CTSB: variants seen among roughly 807,000 people sequenced by gnomAD.
The protein encoded by CTSB is APP secretase.
A neutral mutation model predicts 44.3 loss-of-function variants in CTSB; 57 were observed. The ratio of observed to expected loss-of-function variants is 1.29; its 90% confidence interval spans 1.04 to 1.60. The LOEUF is 1.60. CTSB is among the 40% of genes most tolerant of loss of function. The probability of loss-of-function intolerance (pLI) is 0.00; values close to 1 mark genes in which losing one functional copy is unlikely to be tolerated. For missense variants in CTSB, 768 were observed against 443.0 expected (o/e 1.73, Z -6.59); for synonymous variants, 320 against 168.0 (o/e 1.91, Z -7.00).
intron 1 of CTSB, among the ~76,000 whole-genome samples, chr8:11,861,910 G>A (rs1042609739): frequency 6.6e-6 from 1 of 152,242 alleles, no homozygotes; most frequent in Non-Finnish European, 1.5e-5. Context: ...GCCAGCCACA[G>A]AAAGGCCTAG....
intron 1 of CTSB, chr8:11,864,539 G>A (rs1586206821): frequency 6.6e-6 from 1 of 152,088 alleles, no homozygotes; most frequent in Non-Finnish European, 1.5e-5. Flanking sequence ...ATGTGCAGAA[G>A]AATCCAAAAG....
intron 1 of CTSB, among the ~76,000 whole-genome samples, chr8:11,867,069 G>A (rs569742053): frequency 6.6e-6 from 1 of 152,178 alleles, no homozygotes; most frequent in African/African-American, 2.4e-5. Flanking sequence ...CTGCGCTAGG[G>A]TCCTTTTCTT....
chr8:11,848,990 C>T (rs1813992687), intron 5 of CTSB, 56 bp downstream of exon 5: 2 of 1,345,588 alleles, frequency 1.5e-6, no homozygotes, highest in South Asian at 1.2e-5. Flanking sequence ...CACTGAGAAG[C>T]TGGGGCCCAG....
chr8:11,848,649 G>C, intron 5 of CTSB: 1 of 304,864 alleles, frequency 3.3e-6, no homozygotes, highest in Non-Finnish European at 6.5e-6. Flanking sequence ...GCAGGCAGCT[G>C]GAGCAGAAAG....
At chr8:11,855,847 G>C (rs938861397) in intron 1 of CTSB, among the ~76,000 whole-genome samples, 1 of 152,092 alleles carries the variant, frequency 6.6e-6, no homozygotes, top group Admixed American at 6.6e-5. Flanking sequence ...GTGAAACCCC[G>C]TCTCCACTAA....
chr8:11,849,312 CTTTTA>C (rs1390504080), intron 4 of CTSB, 148 bp from the exon 5 acceptor site: 2 of 553,194 alleles, frequency 3.6e-6, no homozygotes, highest in Non-Finnish European at 6.5e-6. Flanking sequence ...TCAAACTCAG[CTTTTA>C]TTTTCTTTGG....
At chr8:11,848,185 G>T in intron 5 of CTSB, 33 bp from the exon 6 acceptor site, 1 of 1,583,332 alleles carries the variant, frequency 6.3e-7, no homozygotes, top group South Asian at 1.1e-5. Flanking sequence ...AAACCTCTGA[G>T]AGAAGCACCA....
rs1341304635 is a variant in CTSB at position 11,842,528 on chromosome 8, G to A, written c.*2597C>T. 2 of 152,198 alleles carry A rather than the reference G, an allele frequency of 1.3e-5. No individual in the cohort carries two copies. The highest frequency in any genetic ancestry group is 2.9e-5 in the Non-Finnish European group (2 of 68,044). The allele number at this position is 152,198 out of a possible 1,614,324, so 9.4% of individuals were successfully genotyped here. A position where few individuals can be genotyped will look rare whatever the true frequency, so the allele number is the denominator to read the frequency against. Reference sequence around the variant, plus strand: ...GCATGGAATGAATCAACTCAGTTTGGGAGCAGGGAGAACTTTATTGAGGTT... The same window carrying A: ...GCATGGAATGAATCAACTCAGTTTGAGAGCAGGGAGAACTTTATTGAGGTT... On this transcript the variant is annotated 3_prime_UTR_variant, in exon 10 of 10. Coordinates refer to ENST00000353047, the MANE Select transcript of CTSB (RefSeq NM_001908.5).
intron 7 of CTSB, 89 bp downstream of exon 7, chr8:11,847,590 C>T (rs942797010): frequency 2.8e-6 from 4 of 1,419,642 alleles, no homozygotes; most frequent in Middle Eastern, 4.8e-4. Flanking sequence ...CAAGGCTCCT[C>T]AGCCCTGACC....
intron 4 of CTSB, among the ~76,000 whole-genome samples, chr8:11,850,238 G>A (rs1814294524): frequency 1.3e-5 from 2 of 151,946 alleles, no homozygotes. Flanking sequence ...GTCCAACATG[G>A]CAAAACCCCA....
rs372985519 is a variant in CTSB at position 11,847,202 on chromosome 8, G to A, written c.677-34C>T. ...TGAACCGAGCTCGGGGTTGGGGAGG[G>A]CAGTGACCGTGCCTCGTGGCACGCC... On this transcript the variant is annotated intron_variant, in intron 7 of 9. Transcript: ENST00000353047. 2.8e-4 allele frequency: 391 copies of A among 1,412,864 alleles called. 1 individual carries two copies. Among genetic ancestry groups the A allele is most frequent in the Non-Finnish European group, 1.9e-4 (185 of 998,354 alleles). The allele number at this position is 1,412,864 out of a possible 1,614,324, so 87.5% of individuals were successfully genotyped here.
chr8:11,846,520 G>T (rs961382646), intron 8 of CTSB: 1 of 152,854 alleles, frequency 6.5e-6, no homozygotes, highest in Non-Finnish European at 1.5e-5. Flanking sequence ...CTTGGGGATG[G>T]GGACTGTCCA....
chr8:11,847,877 T>G, intron 6 of CTSB, 55 bp from the exon 7 acceptor site: 2 of 1,404,942 alleles, frequency 1.4e-6, no homozygotes, highest in Non-Finnish European at 1.9e-6. Flanking sequence ...GGAGAAGACC[T>G]GGGGCAAGGC....
rs1193125913 is a variant in CTSB, at chr8:11,844,587, C to T, written c.*538G>A. The T allele has an allele frequency of 2.6e-5, 4 of 152,690 alleles. No homozygotes were observed. The highest frequency in any genetic ancestry group is 2.1e-4 in the South Asian group (1 of 4,858). 9.5% of individuals were successfully genotyped at this position (152,690 alleles called of 1,614,324 possible). On this transcript the variant is annotated 3_prime_UTR_variant, in exon 10 of 10. Transcript: ENST00000353047. ...CAGAGTGCACGAAAAAATAAAACTT[C>T]TATTAAAGAATCATGCTGAGCACAA...
At chr8:11,855,684 G>T (rs1407969166) in intron 1 of CTSB, among the ~76,000 whole-genome samples, 2 of 152,058 alleles carry the variant, frequency 1.3e-5, no homozygotes, top group Non-Finnish European at 2.9e-5. Context: ...CAGAAAAATG[G>T]AACCAGCATA....
intron 1 of CTSB, among the ~76,000 whole-genome samples, chr8:11,865,792 G>T (rs1039840023): frequency 3.4e-5 from 5 of 148,426 alleles, no homozygotes; most frequent in Non-Finnish European, 5.9e-5. Flanking sequence ...GATCACTTGA[G>T]ATCAGGAGTT....
chr8:11,845,085 G>A lies in CTSB; in HGVS notation c.*40C>T, dbSNP rs709821. 10 of 1,323,834 alleles carry A rather than the reference G, an allele frequency of 7.6e-6. No homozygotes were observed. The highest frequency in any genetic ancestry group is 2.9e-5 in the African/African-American group (2 of 69,198). The allele number at this position is 1,323,834 out of a possible 1,614,324, so 82.0% of individuals were successfully genotyped here. A position where few individuals can be genotyped will look rare whatever the true frequency, so the allele number is the denominator to read the frequency against. On this transcript the variant is annotated 3_prime_UTR_variant, in exon 10 of 10. Coordinates refer to ENST00000353047, the MANE Select transcript of CTSB (RefSeq NM_001908.5). ...AAAGAATAAAATGCATTTCTACCCC[G>A]ATCTCGCCCCCAGGACTGGCACGAC... is the stretch of plus-strand genomic sequence containing the variant.
chr8:11,864,841 G>A (rs1232403837), intron 1 of CTSB, among the ~76,000 whole-genome samples: 1 of 151,926 alleles, frequency 6.6e-6, no homozygotes, highest in Non-Finnish European at 1.5e-5. Flanking sequence ...TTGAACCTGG[G>A]AGGTGAGGTT....
In CTSB at chr8:11,847,971, G is replaced by A. The variant is rs887511143; in HGVS notation, c.532+96C>T. On this transcript the variant is annotated intron_variant, in intron 6 of 9. Transcript: ENST00000353047. Reference sequence around the variant, plus strand: ...GCTAGCACCTCTCAGCAGCCCCTCTGTCTCAACCCCCAGTTTATAAAGGCA... The same window carrying A: ...GCTAGCACCTCTCAGCAGCCCCTCTATCTCAACCCCCAGTTTATAAAGGCA... The A allele has an allele frequency of 4.5e-5, 60 of 1,347,760 alleles. No individual in the cohort carries two copies. In the African/African-American group the frequency reaches 8.0e-4, roughly 18 times the overall value. 83.5% of individuals were successfully genotyped at this position (1,347,760 alleles called of 1,614,324 possible). A position where few individuals can be genotyped will look rare whatever the true frequency, so the allele number is the denominator to read the frequency against.
Sources: gnomAD v4.1 joint callset for allele counts (sites outside exome capture counted in the v4.1 genomes callset) on GRCh38, gnomAD v4.1.1 for gene constraint, MANE v1.5 for transcripts, NCBI Gene and HGNC (gene_info 2026-07-23, HGNC 2026-07-21) for gene names.